USP43: variants seen among roughly 807,000 people sequenced by gnomAD.
USP43 encodes ubiquitin carboxyl-terminal hydrolase 43.
USP43 carries 33 observed loss-of-function variants against 90.7 expected under a neutral mutation model. The ratio of observed to expected loss-of-function variants is 0.36; its 90% confidence interval spans 0.28 to 0.49. The LOEUF is 0.49. USP43 is among the 20% of genes least tolerant of loss of function. The pLI, the probability that USP43 is intolerant of heterozygous loss-of-function variation, is 0.98. For missense variants in USP43, 1,274 were observed against 1,476.4 expected (o/e 0.86, Z 2.25); for synonymous variants, 598 against 615.8 (o/e 0.97, Z 0.43).
At chr17:9,699,537 G>A (rs1050320657) in intron 9 of USP43, among the ~76,000 whole-genome samples, 4 of 152,204 alleles carry the variant, frequency 2.6e-5, no homozygotes, top group Admixed American at 6.5e-5. Flanking sequence ...GGGTGTGGAC[G>A]TTGCCATCAC....
At chr17:9,706,171 T>G (rs894164381) in intron 12 of USP43, among the ~76,000 whole-genome samples, 1 of 152,236 alleles carries the variant, frequency 6.6e-6, no homozygotes, top group African/African-American at 2.4e-5. Flanking sequence ...TATCCTTGAC[T>G]GTTTTTCAAA....
intron 1 of USP43, among the ~76,000 whole-genome samples, chr17:9,646,601 A>C (rs1294136926): frequency 6.6e-6 from 1 of 152,140 alleles, no homozygotes; most frequent in Admixed American, 6.5e-5. Context: ...TCCAGGCAGG[A>C]GGAACAGCAA....
At chr17:9,698,326 T>A (rs1336392736) in intron 9 of USP43, among the ~76,000 whole-genome samples, 3 of 152,188 alleles carry the variant, frequency 2.0e-5, no homozygotes, top group Non-Finnish European at 4.4e-5. Flanking sequence ...ACCTCTTTAG[T>A]TTAATTAAGT....
At chr17:9,724,929 CG>C (rs1214884606) in intron 14 of USP43, among the ~76,000 whole-genome samples, 3 of 131,566 alleles carry the variant, frequency 2.3e-5, no homozygotes, top group Middle Eastern at 3.6e-3. Flanking sequence ...TGTTCTGTGG[CG>C]GGGGGCAGGG....
rs1316138130 is a variant in USP43, at chr17:9,693,141, G to T, written c.1368G>T (p.Leu456=). 1.9e-6 allele frequency: 3 copies of T among 1,613,502 alleles called. No homozygotes were observed. The highest frequency in any genetic ancestry group is 2.5e-6 in the Non-Finnish European group (3 of 1,179,800). ...SEAPVQNLGS[L]FSIRVVGLSV... ...TGTCTTCGCAGAACCTGGGGTCTCT[G>T]TTCTCCATCCGTGTTGTGGGACTCT... Residue 456 remains leucine, a synonymous_variant, in exon 9 of 15, where the codon CTG becomes CTT. Transcript: ENST00000285199.
intron 9 of USP43, among the ~76,000 whole-genome samples, chr17:9,695,785 C>T (rs1816903444): frequency 6.6e-6 from 1 of 152,224 alleles, no homozygotes; most frequent in Non-Finnish European, 1.5e-5. Flanking sequence ...TCCCCTTCCT[C>T]TTCCTCAGTC....
At position 9,689,522 on chromosome 17, in the gene USP43, C is replaced by T. The variant is rs182803576; in HGVS notation, c.1353+2613C>T. Among the ~76,000 whole-genome samples the T allele has an allele frequency of 3.4e-3, 524 of 152,028 alleles. 6 individuals are homozygous for T. The highest frequency in any genetic ancestry group is 0.012 in the African/African-American group (501 of 41,468). ...GAACTCCTGGGCTCAAGTGATCCTC[C>T]CACCTCATCCTTGCAAGTAGCTGGG... On this transcript the variant is annotated intron_variant, in intron 8 of 14. Transcript: ENST00000285199.
intron 2 of USP43, among the ~76,000 whole-genome samples, chr17:9,660,995 C>G (rs1912605201): frequency 6.6e-6 from 1 of 152,196 alleles, no homozygotes; most frequent in Non-Finnish European, 1.5e-5. Flanking sequence ...AGGAAAGCCA[C>G]TGTCCTCTGT....
At position 9,653,853 on chromosome 17, in the gene USP43, A is replaced by G. The variant is rs557581257; in HGVS notation, c.505-2550A>G. Among the ~76,000 whole-genome samples, 4 of 152,256 alleles carry G rather than the reference A, an allele frequency of 2.6e-5. No homozygotes were observed. The East Asian group carries it at 7.7e-4, about 29-fold the overall frequency. ...CAGTGGGTTGGCAAGGGGAGAACCT[A>G]GGGGCTGGGTCCCTCCTTAGGTAGA... On this transcript the variant is annotated intron_variant, in intron 1 of 14. Coordinates refer to ENST00000285199, the MANE Select transcript of USP43 (RefSeq NM_153210.5).
rs1056601923 is a variant in USP43, at chr17:9,728,524, C to T, written c.2906C>T (p.Ser969Phe). Residue 969 changes from serine to phenylalanine, a missense_variant, in exon 15 of 15, where the codon TCC becomes TTC. Physicochemically the swap from Ser to Phe is radical, Grantham distance 155. Coordinates refer to ENST00000285199, the MANE Select transcript of USP43 (RefSeq NM_153210.5). The surrounding 1 kb of genome is among the most constrained non-coding windows in gnomAD (Gnocchi z 6.2). ...FQMGSKSSPP[S>F]PYMGFSGNSK... ...ATGGGAAGCAAAAGCAGCCCACCCT[C>T]CCCCTATATGGGATTCTCTGGAAAC... is the stretch of plus-strand genomic sequence containing the variant. The T allele has an allele frequency of 8.7e-6, 14 of 1,613,840 alleles. No individual in the cohort carries two copies. Among genetic ancestry groups the T allele is most frequent in the African/African-American group, 1.3e-5 (1 of 74,932 alleles).
chr17:9,687,438 A>G (rs2151979664), intron 8 of USP43, among the ~76,000 whole-genome samples: 1 of 152,352 alleles, frequency 6.6e-6, no homozygotes, highest in Non-Finnish European at 1.5e-5. Flanking sequence ...AAGTTTGTCC[A>G]GTTTTTTAAA....
At chr17:9,721,718 G>GTT (rs1470709219) in intron 14 of USP43, among the ~76,000 whole-genome samples, 1 of 139,164 alleles carries the variant, frequency 7.2e-6, no homozygotes, top group East Asian at 2.5e-4. Flanking sequence ...CTGTATAGCT[G>GTT]TATTTTTTTT....
chr17:9,680,552 T>G (rs1914098639), intron 6 of USP43, among the ~76,000 whole-genome samples, 186 bp downstream of exon 6: 1 of 152,164 alleles, frequency 6.6e-6, no homozygotes, highest in Non-Finnish European at 1.5e-5. Context: ...ACAAGTATTC[T>G]CAAAACTAAG....
At chr17:9,717,360 AGTGTGTGTGTGTGT>A (rs56058514) in intron 14 of USP43, among the ~76,000 whole-genome samples, 3 of 145,570 alleles carry the variant, frequency 2.1e-5, no homozygotes, top group Admixed American at 6.9e-5. Context: ...GCTTGGGCAC[AGTGTGTGTGTGTGT>A]GTGTGTGTGT....
At chr17:9,648,279 G>A (rs1911596314) in intron 1 of USP43, among the ~76,000 whole-genome samples, 1 of 152,182 alleles carries the variant, frequency 6.6e-6, no homozygotes, top group African/African-American at 2.4e-5. Context: ...AAATATTATG[G>A]ATTGAAATCT....
In USP43 at chr17:9,674,067, C is replaced by T. The variant is rs1913610658; in HGVS notation, c.741-824C>T. 6.6e-6 allele frequency among the ~76,000 whole-genome samples: 1 copy of T among 151,940 alleles called. No individual in the cohort carries two copies. The highest frequency in any genetic ancestry group is 1.5e-5 in the Non-Finnish European group (1 of 67,998). On this transcript the variant is annotated intron_variant, in intron 3 of 14. Coordinates refer to ENST00000285199, the MANE Select transcript of USP43 (RefSeq NM_153210.5). This position sits in a 1 kb window ranked among gnomAD's most constrained non-coding sequence, Gnocchi z 4.4. Reference sequence around the variant, plus strand: ...TGAAACAGAATCTCTGGGAGTGGGGCCTGGACATTGGAATTTTAAAAAAGC... The same window carrying T: ...TGAAACAGAATCTCTGGGAGTGGGGTCTGGACATTGGAATTTTAAAAAAGC...
At chr17:9,702,876 C>T (rs1378402240) in intron 12 of USP43, among the ~76,000 whole-genome samples, 2 of 152,180 alleles carry the variant, frequency 1.3e-5, no homozygotes, top group East Asian at 1.9e-4. Context: ...CAGTTACAGG[C>T]TGGGGACCAC....
At chr17:9,683,783 G>A (rs573344883) in intron 7 of USP43, among the ~76,000 whole-genome samples, 1 of 152,184 alleles carries the variant, frequency 6.6e-6, no homozygotes, top group East Asian at 1.9e-4. Flanking sequence ...TGATTTCTTT[G>A]TTGCTTTTTA....
chr17:9,646,498 T>C (rs147762100), intron 1 of USP43, among the ~76,000 whole-genome samples: 15 of 152,142 alleles, frequency 9.9e-5, no homozygotes, highest in African/African-American at 3.6e-4. Flanking sequence ...GGGAATGGGA[T>C]GTTGAAGGCC....
Sources: allele counts gnomAD v4.1 joint callset (sites outside exome capture counted in the v4.1 genomes callset), GRCh38; gene constraint gnomAD v4.1.1; non-coding constraint Gnocchi (gnomAD v3.1); transcripts MANE v1.5; gene names NCBI Gene and HGNC (gene_info 2026-07-23, HGNC 2026-07-21).